Variants in SLC22A3 observed in about 807,000 individuals in gnomAD.
SLC22A3 encodes EMT organic cation transporter 3.
SLC22A3 carries 51 observed loss-of-function variants against 59.1 expected under a neutral mutation model. That is an observed-to-expected ratio of 0.86 (90% CI 0.69 to 1.09). The LOEUF (loss-of-function observed/expected upper bound fraction) is 1.09, where lower values mean the gene tolerates loss of function less well. Among genes scored for constraint, SLC22A3 ranks in the 50% least tolerant of loss-of-function variants. The pLI is 0.00. For synonymous variants in SLC22A3, 325 were observed against 292.0 expected (o/e 1.11, Z -1.15); for missense variants, 711 against 726.3 (o/e 0.98, Z 0.24).
intron 1 of SLC22A3, among the ~76,000 whole-genome samples, chr6:160,383,339 C>CACTAACA (rs1785866622): frequency 2.0e-5 from 3 of 151,944 alleles, no homozygotes; most frequent in African/African-American, 7.3e-5. Context: ...CCCCAATTTC[C>CACTAACA]ACTAACAACT....
At chr6:160,385,689 A>G (rs1437086641) in intron 1 of SLC22A3, among the ~76,000 whole-genome samples, 4 of 152,192 alleles carry the variant, frequency 2.6e-5, no homozygotes, top group African/African-American at 9.7e-5. Flanking sequence ...CAGCCGACGC[A>G]GGAGCTGTTA....
intron 9 of SLC22A3, 91 bp from the exon 10 acceptor site, chr6:160,447,628 G>A: frequency 9.5e-7 from 1 of 1,056,792 alleles, no homozygotes; most frequent in Non-Finnish European, 1.5e-6. Context: ...ACTCCAGTGA[G>A]CAACATGATG....
At chr6:160,353,680 G>T (rs933568971) in intron 1 of SLC22A3, among the ~76,000 whole-genome samples, 1 of 152,106 alleles carries the variant, frequency 6.6e-6, no homozygotes, top group African/African-American at 2.4e-5. Context: ...GCAGTGGTTG[G>T]TGTGCATTCT....
chr6:160,364,193 T>C (rs1447634711), intron 1 of SLC22A3, among the ~76,000 whole-genome samples: 2 of 152,006 alleles, frequency 1.3e-5, no homozygotes, highest in African/African-American at 2.4e-5. Flanking sequence ...GAAGAAGAAG[T>C]CTGGGTTATA....
At chr6:160,450,620 A>G (rs1788917506) in intron 10 of SLC22A3, among the ~76,000 whole-genome samples, 1 of 152,184 alleles carries the variant, frequency 6.6e-6, no homozygotes, top group Non-Finnish European at 1.5e-5. Flanking sequence ...TTGGGAACTG[A>G]TAAATGTCCA....
chr6:160,410,596 C>T, intron 4 of SLC22A3, 133 bp from the exon 5 acceptor site: 1 of 697,538 alleles, frequency 1.4e-6, no homozygotes, highest in African/African-American at 1.8e-5. Flanking sequence ...TTTCAGGGAC[C>T]TATTATCAAC....
At chr6:160,390,747 T>C (rs1786222981) in intron 1 of SLC22A3, among the ~76,000 whole-genome samples, 1 of 152,298 alleles carries the variant, frequency 6.6e-6, no homozygotes, top group African/African-American at 2.4e-5. Flanking sequence ...CTTTGTTTTA[T>C]GTGAAACTGA....
intron 2 of SLC22A3, among the ~76,000 whole-genome samples, chr6:160,403,955 C>T (rs1470064883): frequency 1.3e-5 from 2 of 151,942 alleles, no homozygotes; most frequent in Admixed American, 6.6e-5. Flanking sequence ...CTACAGTTAA[C>T]ATCATACTTA....
intron 1 of SLC22A3, among the ~76,000 whole-genome samples, chr6:160,357,652 G>C (rs1451735023): frequency 6.6e-6 from 1 of 152,144 alleles, no homozygotes; most frequent in Non-Finnish European, 1.5e-5. Flanking sequence ...AGAAATGAAT[G>C]CCCTTTAATT....
At chr6:160,352,787 T>C (rs609562) in intron 1 of SLC22A3, among the ~76,000 whole-genome samples, 76,250 of 152,032 alleles carry the variant, frequency 0.5, 19,443 homozygotes, top group African/African-American at 0.59. Context: ...GTCCTTTCTG[T>C]TGATGACAAA....
rs1045612722 is a variant in SLC22A3 at position 160,415,670 on chromosome 6, A to G, written c.975+4824A>G. Among the ~76,000 whole-genome samples the G allele has an allele frequency of 6.6e-6, 1 of 152,072 alleles. No homozygotes were observed. Among genetic ancestry groups the G allele is most frequent in the Non-Finnish European group, 1.5e-5 (1 of 67,998 alleles). ...ATCCTTCACGACCTCTCTAATTCCC[A>G]CCTCATTCTCAGGGTGCCCATTATA... is the stretch of plus-strand genomic sequence containing the variant. On this transcript the variant is annotated intron_variant, in intron 5 of 10. Coordinates refer to ENST00000275300, the MANE Select transcript of SLC22A3 (RefSeq NM_021977.4). The surrounding 1 kb of genome is among the most constrained non-coding windows in gnomAD (Gnocchi z 4.1).
chr6:160,414,588 C>T (rs555726022), intron 5 of SLC22A3, among the ~76,000 whole-genome samples: 2 of 152,320 alleles, frequency 1.3e-5, no homozygotes, highest in South Asian at 4.1e-4. Flanking sequence ...CACAGTTCTG[C>T]AGGGCTGGGG....
At position 160,367,156 on chromosome 6, in the gene SLC22A3, A is replaced by C. The variant is rs530820214; in HGVS notation, c.429+18308A>C. ...TAAAGGAAACAGGTTTAATTGACTC[A>C]TGGTTCTGCAGGGCTAGGGAGGCCT... On this transcript the variant is annotated intron_variant, in intron 1 of 10. Coordinates refer to ENST00000275300, the MANE Select transcript of SLC22A3 (RefSeq NM_021977.4). 2.6e-4 allele frequency among the ~76,000 whole-genome samples: 39 copies of C among 152,310 alleles called. No homozygotes were observed. In the Middle Eastern group the frequency reaches 0.01, roughly 40 times the overall value.
Position 160,348,781 on chromosome 6 carries a change from C to T in SLC22A3, c.362C>T (p.Ser121Leu), listed in dbSNP as rs1010730036. ...CCACTCGCCGCCTTCCCCAACCGCT[C>T]GGCTCCCCTTGTGCCGTGCCGCGGC... Reference protein sequence around the residue: ...ADPLAAFPNRSAPLVPCRGGW... With the variant: ...ADPLAAFPNRLAPLVPCRGGW... The change falls in exon 1 of 11, where the codon TCG becomes TTG. Residue 121 changes from serine (S) to leucine (L), a missense_variant. By Grantham distance (145) the Ser-to-Leu change is moderately radical. Coordinates refer to ENST00000275300, the MANE Select transcript of SLC22A3 (RefSeq NM_021977.4). 39 of 1,563,184 alleles carry T rather than the reference C, an allele frequency of 2.5e-5. No individual in the cohort carries two copies. Among genetic ancestry groups the T allele is most frequent in the Non-Finnish European group, 3.3e-5 (38 of 1,161,926 alleles).
chr6:160,380,429 A>G (rs1340993138), intron 1 of SLC22A3, among the ~76,000 whole-genome samples: 1 of 152,146 alleles, frequency 6.6e-6, no homozygotes, highest in Non-Finnish European at 1.5e-5. Flanking sequence ...AATTATGATC[A>G]TATATACAAT....
At chr6:160,355,911 A>G (rs1784824471) in intron 1 of SLC22A3, among the ~76,000 whole-genome samples, 2 of 152,022 alleles carry the variant, frequency 1.3e-5, no homozygotes, top group Non-Finnish European at 2.9e-5. Context: ...GGCTTCCTTT[A>G]TCTGTCTAGC....
intron 7 of SLC22A3, among the ~76,000 whole-genome samples, chr6:160,439,846 G>C (rs759101388): frequency 6.6e-6 from 1 of 152,130 alleles, no homozygotes; most frequent in Admixed American, 6.5e-5. Context: ...ATTAACAGAC[G>C]ATCCTCCCTT....
At chr6:160,365,750 T>C (rs1025148004) in intron 1 of SLC22A3, among the ~76,000 whole-genome samples, 2 of 152,222 alleles carry the variant, frequency 1.3e-5, no homozygotes, top group Admixed American at 6.5e-5. Context: ...AATAAAGACA[T>C]ACCTGAGACT....
At chr6:160,367,757 C>T (rs1312815771) in intron 1 of SLC22A3, among the ~76,000 whole-genome samples, 1 of 152,194 alleles carries the variant, frequency 6.6e-6, no homozygotes. Flanking sequence ...TGATGGGGCA[C>T]TGTTACGGGT....
Sources: gnomAD v4.1 joint callset for allele counts (sites outside exome capture counted in the v4.1 genomes callset) on GRCh38, gnomAD v4.1.1 for gene constraint, Gnocchi (gnomAD v3.1) non-coding constraint, MANE v1.5 for transcripts, NCBI Gene and HGNC (gene_info 2026-07-23, HGNC 2026-07-21) for gene names.